The following PATJ variants were observed in gnomAD, a reference collection of about 807,000 sequenced individuals.
PATJ encodes the protein PATJ crumbs cell polarity complex component.
A neutral mutation model predicts 224.9 loss-of-function variants in PATJ; 190 were observed. The observed-to-expected ratio is 0.84, with a 90% CI of 0.75 to 0.95. PATJ has a LOEUF of 0.95. Among genes scored for constraint, PATJ ranks in the 40% least tolerant of loss-of-function variants. PATJ has a pLI of 0.00. For synonymous variants in PATJ, 769 were observed against 820.3 expected (o/e 0.94, Z 1.07); for missense variants, 2,121 against 2,270.3 (o/e 0.93, Z 1.34).
chr1:62,049,165 C>A (rs1653108662), intron 30 of PATJ, among the ~76,000 whole-genome samples: 1 of 150,526 alleles, frequency 6.6e-6, no homozygotes, highest in South Asian at 2.1e-4. Flanking sequence ...TGTGATAATT[C>A]TTCTGTAATC....
At chr1:61,935,905 GA>G (rs1676792915) in intron 27 of PATJ, among the ~76,000 whole-genome samples, 1 of 151,856 alleles carries the variant, frequency 6.6e-6, no homozygotes, top group Non-Finnish European at 1.5e-5. Context: ...ATTATTTTAA[GA>G]ACAGGATACT....
intron 10 of PATJ, among the ~76,000 whole-genome samples, chr1:61,796,680 TTCTTTCTTTCTTTCTTTC>T (rs1219686480): frequency 2.5e-5 from 1 of 39,900 alleles, no homozygotes; most frequent in African/African-American, 7.2e-5. Context: ...CTTTCTTTCT[TTCTTTCTTTCTTTCTTTC>T]TTTCTTTCTT....
Position 62,079,551 on chromosome 1 carries a change from A to G in PATJ, c.4227A>G (p.Ala1409=). The change falls in exon 32 of 44, where the codon GCA becomes GCG. Residue 1409 remains alanine (A), a synonymous_variant. Coordinates refer to ENST00000642238, the MANE Select transcript of PATJ (RefSeq NM_001350145.3). ...APASSYHSTD[A]DFTGYGGFQA... is the part of the protein sequence containing the mutation. Reference sequence around the variant, plus strand: ...CTTCATCATACCATTCAACAGATGCAGACTTCACAGGCTATGGTATGATTC... The same window carrying G: ...CTTCATCATACCATTCAACAGATGCGGACTTCACAGGCTATGGTATGATTC... The G allele has an allele frequency of 1.3e-6, 2 of 1,596,258 alleles. No individual in the cohort carries two copies. The highest frequency in any genetic ancestry group is 1.7e-6 in the Non-Finnish European group (2 of 1,163,938).
intron 31 of PATJ, among the ~76,000 whole-genome samples, chr1:62,074,800 C>A (rs1658025229): frequency 6.6e-6 from 1 of 152,068 alleles, no homozygotes; most frequent in African/African-American, 2.4e-5. Flanking sequence ...CTCATCTCTA[C>A]TAAAAATACC....
chr1:62,073,267 G>T, intron 31 of PATJ: 1 of 985,308 alleles, frequency 1.0e-6, no homozygotes, highest in Non-Finnish European at 1.2e-6. Context: ...TTGATTCTGT[G>T]CAAGTTGATG....
intron 1 of PATJ, among the ~76,000 whole-genome samples, chr1:61,751,863 G>A (rs1645350483): frequency 6.6e-6 from 1 of 151,914 alleles, no homozygotes; most frequent in African/African-American, 2.4e-5. Context: ...AAAAGGCCGG[G>A]CGTGGTGGCT....
At chr1:61,942,402 ATTAG>A (rs1245214481) in intron 27 of PATJ, among the ~76,000 whole-genome samples, 7 of 152,308 alleles carry the variant, frequency 4.6e-5, no homozygotes, top group African/African-American at 1.7e-4. Context: ...CCTCAATATC[ATTAG>A]TTATTAGGGA....
chr1:61,943,990 A>T (rs1678259043), intron 27 of PATJ, among the ~76,000 whole-genome samples: 1 of 152,144 alleles, frequency 6.6e-6, no homozygotes, highest in African/African-American at 2.4e-5. Context: ...ACTCCAACAG[A>T]CCTGCAGCTG....
chr1:61,880,120 G>A (rs935521408), intron 21 of PATJ, among the ~76,000 whole-genome samples: 13 of 152,124 alleles, frequency 8.5e-5, no homozygotes, highest in African/African-American at 2.9e-4. Flanking sequence ...CACCACACCC[G>A]ACCAGCTACT....
chr1:61,802,520 G>C (rs6661185), intron 12 of PATJ, among the ~76,000 whole-genome samples: 79,279 of 151,866 alleles, frequency 0.52, 20,931 homozygotes, highest in South Asian at 0.63. Context: ...CTCAAGCCAT[G>C]CTCCCACTTT....
chr1:62,091,931 C>G (rs1660785992), intron 33 of PATJ, among the ~76,000 whole-genome samples: 1 of 151,632 alleles, frequency 6.6e-6, no homozygotes, highest in Non-Finnish European at 1.5e-5. Flanking sequence ...TGGCACGTGG[C>G]TATAGTCCCA....
intron 17 of PATJ, among the ~76,000 whole-genome samples, chr1:61,837,202 G>A (rs1660315862): frequency 6.6e-6 from 1 of 151,542 alleles, no homozygotes; most frequent in Non-Finnish European, 1.5e-5. Flanking sequence ...AATAGGAAAT[G>A]TTATGTTATT....
chr1:62,138,251 T>TAAACA (rs986514499), intron 41 of PATJ, among the ~76,000 whole-genome samples: 3 of 152,120 alleles, frequency 2.0e-5, no homozygotes, highest in Admixed American at 2.0e-4. Flanking sequence ...TACCTGCCCT[T>TAAACA]AAACAACCAC....
chr1:61,993,153 T>G (rs1343921937), intron 28 of PATJ, among the ~76,000 whole-genome samples: 1 of 152,226 alleles, frequency 6.6e-6, no homozygotes, highest in Admixed American at 6.5e-5. Flanking sequence ...CAGCTCTTAA[T>G]TGGGAGTTCC....
intron 29 of PATJ, among the ~76,000 whole-genome samples, chr1:62,033,605 G>C (rs115823787): frequency 4.9e-4 from 75 of 152,258 alleles, no homozygotes; most frequent in African/African-American, 1.7e-3. Context: ...AGGGCTGTTA[G>C]TACCTAGTGT....
At chr1:61,879,645 G>T (rs1220959622) in intron 21 of PATJ, among the ~76,000 whole-genome samples, 2 of 150,960 alleles carry the variant, frequency 1.3e-5, no homozygotes, top group African/African-American at 4.9e-5. Context: ...CTACTTCTGG[G>T]TCCCATTCTT....
At chr1:61,937,713 C>T (rs1245993447) in intron 27 of PATJ, among the ~76,000 whole-genome samples, 1 of 148,208 alleles carries the variant, frequency 6.7e-6, no homozygotes, top group Non-Finnish European at 1.5e-5. Context: ...CGCAATGGCA[C>T]GATCTCAGCT....
At chr1:62,036,922 GAAGGGAAAGAAAA>G (rs1650533919) in intron 29 of PATJ, among the ~76,000 whole-genome samples, 2 of 150,248 alleles carry the variant, frequency 1.3e-5, no homozygotes, top group Non-Finnish European at 3.0e-5. Context: ...AGGAAGGGAG[GAAGGGAAAGAAAA>G]AAGAGAAAGA....
intron 17 of PATJ, 145 bp downstream of exon 17, chr1:61,833,930 C>T (rs1659757584): frequency 1.6e-6 from 1 of 631,558 alleles, no homozygotes; most frequent in Admixed American, 3.2e-5. Flanking sequence ...CAATTGTTAC[C>T]TTTAAAATTA....
Sources: allele counts gnomAD v4.1 joint callset (sites outside exome capture counted in the v4.1 genomes callset), GRCh38; gene constraint gnomAD v4.1.1; transcripts MANE v1.5; gene names NCBI Gene and HGNC (gene_info 2026-07-23, HGNC 2026-07-21).